The following HMCN2 variants were observed in gnomAD, a reference collection of about 807,000 sequenced individuals.
The protein encoded by HMCN2 is hemicentin 2.
Under a neutral mutation model 377.5 loss-of-function variants are expected in HMCN2, and 325 were observed. That is an observed-to-expected ratio of 0.86 (90% CI 0.79 to 0.94). The LOEUF (loss-of-function observed/expected upper bound fraction) is 0.94. Among genes scored for constraint, HMCN2 ranks in the 40% least tolerant of loss-of-function variants. The pLI is 0.00. For missense variants in HMCN2, 4,543 were observed against 4,725.3 expected, an observed-to-expected ratio of 0.96 and a Z score of 1.13; for synonymous variants, 2,007 against 2,046.8, an observed-to-expected ratio of 0.98 and a Z score of 0.53.
At chr9:130,289,414 G>A (rs1554929204) in intron 4 of HMCN2, among the ~76,000 whole-genome samples, 1 of 152,148 alleles carries the variant, frequency 6.6e-6, no homozygotes, top group African/African-American at 2.4e-5. Flanking sequence ...CAGGGGCCCA[G>A]AGATGACCTC....
chr9:130,340,766 C>T (rs1037120106), intron 23 of HMCN2, among the ~76,000 whole-genome samples: 2 of 152,224 alleles, frequency 1.3e-5, no homozygotes, highest in Non-Finnish European at 2.9e-5. Context: ...AATCTGCCCA[C>T]CTCGGCCTCC....
At position 130,396,078 on chromosome 9, in the gene HMCN2, C is replaced by CGG; in HGVS notation, c.11053+14_11053+15insGG. On this transcript the variant is annotated intron_variant, in intron 72 of 97. Transcript: ENST00000683500. ...GTGGAGATCCACAGTGAGTAGGGCC[C>CGG]GCCCCACCCCACCCTGCCCACCTTA... is the stretch of plus-strand genomic sequence containing the variant. The CGG allele has an allele frequency of 1.2e-5, 15 of 1,230,556 alleles. No homozygotes were observed. Among genetic ancestry groups the CGG allele is most frequent in the South Asian group, 2.6e-5 (2 of 76,112 alleles). The allele number at this position is 1,230,556 out of a possible 1,614,324, so 76.2% of individuals were successfully genotyped here.
intron 4 of HMCN2, among the ~76,000 whole-genome samples, chr9:130,290,271 AG>A: frequency 6.6e-6 from 1 of 152,292 alleles, no homozygotes; most frequent in East Asian, 1.9e-4. Flanking sequence ...CAAGAGGGTC[AG>A]CCCCCCAACT....
chr9:130,411,952 TA>T (rs35723427), intron 85 of HMCN2, among the ~76,000 whole-genome samples: 87,425 of 151,772 alleles, frequency 0.58, 26,344 homozygotes, highest in East Asian at 0.81. Context: ...TTATGTAATG[TA>T]TTTTTTTTAC....
At chr9:130,267,378 T>C (rs1422387142) in intron 1 of HMCN2, among the ~76,000 whole-genome samples, 1 of 147,506 alleles carries the variant, frequency 6.8e-6, no homozygotes, top group African/African-American at 2.5e-5. Flanking sequence ...TTCACCCCTC[T>C]GTCAAGGATA....
chr9:130,429,490 G>A (rs1844603087), intron 93 of HMCN2, 67 bp from the exon 94 acceptor site: 3 of 1,539,930 alleles, frequency 1.9e-6, no homozygotes, highest in South Asian at 1.2e-5. Context: ...GAGGGGGATG[G>A]TCCGTCCCTT....
chr9:130,372,647 C>T (rs1344406311), intron 47 of HMCN2, among the ~76,000 whole-genome samples: 2 of 152,190 alleles, frequency 1.3e-5, no homozygotes, highest in East Asian at 1.9e-4. Context: ...TGGTGGTACA[C>T]GCCTGTAGTC....
At chr9:130,358,128 G>A (rs1777586905) in intron 35 of HMCN2, 140 bp downstream of exon 35, 1 of 781,780 alleles carries the variant, frequency 1.3e-6, no homozygotes, top group Non-Finnish European at 1.8e-6. Context: ...CTGAAAGGGT[G>A]AGCCTCAGCC....
Position 130,431,416 on chromosome 9 carries a change from C to T in HMCN2, c.14697C>T (p.Asn4899=), listed in dbSNP as rs1041334226. The T allele has an allele frequency of 1.9e-6, 3 of 1,550,158 alleles. No homozygotes were observed. In the African/African-American group the frequency reaches 4.1e-5, roughly 21 times the overall value. Residue 4899 remains asparagine, a synonymous_variant, in exon 96 of 98, where the codon AAC becomes AAT. Transcript: ENST00000683500. ...VRNLCQHACR[N]TEGSYQCLCP... ...ACCTGTGTCAGCACGCCTGCCGCAA[C>T]ACTGAGGGCAGCTACCAGTGCCTGT...
At chr9:130,277,087 G>A (rs143693598) in intron 1 of HMCN2, among the ~76,000 whole-genome samples, 122 of 152,374 alleles carry the variant, frequency 8.0e-4, no homozygotes, top group Non-Finnish European at 1.5e-3. Context: ...GGGGCACCAC[G>A]TGGGTGAGGG....
At chr9:130,403,923 T>C in intron 80 of HMCN2, 48 bp downstream of exon 80, 1 of 1,267,610 alleles carries the variant, frequency 7.9e-7, no homozygotes, top group South Asian at 1.3e-5. Flanking sequence ...CTGAGGGGCT[T>C]TGAGGCTTCT....
At chr9:130,314,986 C>T (rs1805750807) in intron 15 of HMCN2, among the ~76,000 whole-genome samples, 1 of 151,900 alleles carries the variant, frequency 6.6e-6, no homozygotes, top group Non-Finnish European at 1.5e-5. Flanking sequence ...GAGTCACCAC[C>T]TCTGTCATCT....
At chr9:130,425,649 C>T in intron 89 of HMCN2, 38 bp from the exon 90 acceptor site, 1 of 1,280,862 alleles carries the variant, frequency 7.8e-7, no homozygotes. Context: ...TCCCTCTCCC[C>T]CACCCCTCCT....
chr9:130,322,097 T>C (rs2131404336), intron 19 of HMCN2, among the ~76,000 whole-genome samples, 166 bp downstream of exon 19: 1 of 151,784 alleles, frequency 6.6e-6, no homozygotes, highest in East Asian at 1.9e-4. Context: ...AAAAAAATAC[T>C]CTCATAATAC....
intron 22 of HMCN2, among the ~76,000 whole-genome samples, chr9:130,337,344 C>A (rs1838807359): frequency 6.6e-6 from 1 of 152,108 alleles, no homozygotes; most frequent in Non-Finnish European, 1.5e-5. Context: ...GAGCACCAAG[C>A]GACTGCAGTC....
At chr9:130,373,801 A>G (rs1841214721) in intron 48 of HMCN2, among the ~76,000 whole-genome samples, 1 of 149,180 alleles carries the variant, frequency 6.7e-6, no homozygotes, top group Non-Finnish European at 1.5e-5. Flanking sequence ...GGATAGATGG[A>G]TAGGTAGGTG....
rs555522378 is a variant in HMCN2, at chr9:130,283,428, C to T, written c.260-1175C>T. Among the ~76,000 whole-genome samples, 10 of 151,064 alleles carry T rather than the reference C, an allele frequency of 6.6e-5. No individual in the cohort carries two copies. The South Asian group carries it at 2.1e-3, about 32-fold the overall frequency. On this transcript the variant is annotated intron_variant, in intron 1 of 97. Coordinates refer to ENST00000683500, the MANE Select transcript of HMCN2 (RefSeq NM_001291815.2). ...CCTCCTCCCACCCCCAACCCACCCC[C>T]CACTCAGTGACGATCATTTGTTCTA...
At position 130,283,269 on chromosome 9, in the gene HMCN2, A is replaced by T. The variant is rs184334522; in HGVS notation, c.260-1334A>T. Among the ~76,000 whole-genome samples the T allele has an allele frequency of 6.4e-3, 963 of 150,468 alleles. 3 individuals carry two copies. Among genetic ancestry groups the T allele is most frequent in the Middle Eastern group, 0.021 (6 of 292 alleles). ...GGATCTCCATTACTGCTATTTTTTA[A>T]AAAAAAAAAACTCTTTGTTAGTGAA... On this transcript the variant is annotated intron_variant, in intron 1 of 97. Coordinates refer to ENST00000683500, the MANE Select transcript of HMCN2 (RefSeq NM_001291815.2).
intron 1 of HMCN2, among the ~76,000 whole-genome samples, chr9:130,281,149 T>C (rs1204328414): frequency 6.6e-6 from 1 of 152,016 alleles, no homozygotes; most frequent in Non-Finnish European, 1.5e-5. Context: ...TTTTTTGTTT[T>C]GCTTTGTTTT....
Sources: gnomAD v4.1 joint callset for allele counts (sites outside exome capture counted in the v4.1 genomes callset) on GRCh38, gnomAD v4.1.1 for gene constraint, MANE v1.5 for transcripts, NCBI Gene and HGNC (gene_info 2026-07-23, HGNC 2026-07-21) for gene names.